Variants in MARCHF1 observed in about 807,000 individuals in gnomAD.
MARCHF1 encodes the protein membrane associated ring-CH-type finger 1.
In MARCHF1, 40 loss-of-function variants were observed where a neutral mutation model predicts 54.2. That is an observed-to-expected ratio of 0.74 (90% CI 0.57 to 0.96). The LOEUF (loss-of-function observed/expected upper bound fraction) is 0.96, where lower values mean the gene tolerates loss of function less well. Ranked by LOEUF, MARCHF1 falls within the 40% of genes least tolerant of loss-of-function variation. The probability of loss-of-function intolerance (pLI) is 0.00; values close to 1 mark genes in which losing one functional copy is unlikely to be tolerated. For missense variants in MARCHF1, 586 were observed against 656.5 expected (o/e 0.89, Z 1.17); for synonymous variants, 236 against 236.3 (o/e 1.00, Z 0.01).
chr4:164,322,916 T>C (rs747561462), intron 1 of MARCHF1, among the ~76,000 whole-genome samples: 2 of 151,996 alleles, frequency 1.3e-5, no homozygotes, highest in Non-Finnish European at 2.9e-5. Context: ...TAAATATGAT[T>C]GCTAAATATG....
At chr4:163,762,130 T>C (rs1746843099) in intron 4 of MARCHF1, among the ~76,000 whole-genome samples, 1 of 152,194 alleles carries the variant, frequency 6.6e-6, no homozygotes, top group Non-Finnish European at 1.5e-5. Flanking sequence ...CCAGGTTTGT[T>C]TGTTTCTTAA....
chr4:164,107,033 T>C (rs1278734498), intron 2 of MARCHF1, among the ~76,000 whole-genome samples: 1 of 152,306 alleles, frequency 6.6e-6, no homozygotes, highest in East Asian at 1.9e-4. Flanking sequence ...AGCATCTTCA[T>C]AAAACCTAAA....
intron 4 of MARCHF1, among the ~76,000 whole-genome samples, chr4:163,844,200 C>T (rs1418508130): frequency 1.3e-5 from 2 of 152,082 alleles, no homozygotes; most frequent in African/African-American, 4.8e-5. Context: ...CATTCAGCTC[C>T]CACTTACAAG....
chr4:163,893,363 T>A (rs191156495), intron 3 of MARCHF1, among the ~76,000 whole-genome samples: 32 of 152,234 alleles, frequency 2.1e-4, no homozygotes, highest in African/African-American at 7.5e-4. Flanking sequence ...GGTCTCGAAC[T>A]CCTGACCTTG....
chr4:163,599,655 G>C (rs1273847405), intron 7 of MARCHF1, among the ~76,000 whole-genome samples: 1 of 152,066 alleles, frequency 6.6e-6, no homozygotes, highest in African/African-American at 2.4e-5. Context: ...TACTTCAGTG[G>C]TTTCCAAACT....
chr4:164,211,357 C>A (rs777368778), intron 1 of MARCHF1, among the ~76,000 whole-genome samples: 1 of 100,084 alleles, frequency 1.0e-5, no homozygotes, highest in African/African-American at 3.0e-5. Flanking sequence ...ATATATATAC[C>A]ACATTGCAAC....
At chr4:164,190,628 T>C (rs1731099922) in intron 1 of MARCHF1, among the ~76,000 whole-genome samples, 1 of 152,158 alleles carries the variant, frequency 6.6e-6, no homozygotes, top group Admixed American at 6.5e-5. Flanking sequence ...GTTCATCTGG[T>C]GTAGGAAGTT....
intron 1 of MARCHF1, chr4:164,330,174 TAA>T (rs10713917): frequency 3.6e-3 from 523 of 143,704 alleles, no homozygotes; most frequent in Non-Finnish European, 5.3e-3. Flanking sequence ...GAAGGAAGGT[TAA>T]AAAAAAAAAA....
intron 5 of MARCHF1, among the ~76,000 whole-genome samples, chr4:163,622,339 C>T (rs572648209): frequency 7.0e-4 from 106 of 151,840 alleles, no homozygotes; most frequent in African/African-American, 2.4e-3. Flanking sequence ...GAACTCTAAA[C>T]AGAAGTCCCT....
chr4:164,244,867 A>G (rs1732891098), intron 1 of MARCHF1, among the ~76,000 whole-genome samples: 1 of 151,938 alleles, frequency 6.6e-6, no homozygotes, highest in East Asian at 1.9e-4. Context: ...GAAGAAATGG[A>G]TAAATTCCTT....
At chr4:164,244,865 G>T (rs919338170) in intron 1 of MARCHF1, among the ~76,000 whole-genome samples, 11 of 151,678 alleles carry the variant, frequency 7.3e-5, no homozygotes, top group African/African-American at 2.4e-4. Context: ...TAGAAGAAAT[G>T]GATAAATTCC....
chr4:163,683,276 T>C (rs13122389), intron 5 of MARCHF1, among the ~76,000 whole-genome samples: 24 of 152,188 alleles, frequency 1.6e-4, no homozygotes, highest in Non-Finnish European at 1.8e-4. Flanking sequence ...CACATGGTGG[T>C]CGACAAGAGA....
chr4:164,322,366 A>T (rs750429918), intron 1 of MARCHF1, among the ~76,000 whole-genome samples: 1 of 151,990 alleles, frequency 6.6e-6, no homozygotes, highest in Non-Finnish European at 1.5e-5. Context: ...TTTTGGATAT[A>T]TACCCAACAG....
chr4:163,627,673 T>C (rs1741918856), intron 5 of MARCHF1, among the ~76,000 whole-genome samples: 1 of 140,338 alleles, frequency 7.1e-6, no homozygotes, highest in Admixed American at 7.1e-5. Context: ...AAAAGAGTAG[T>C]CTATAGGAAA....
At chr4:163,866,950 G>A (rs992690406) in intron 3 of MARCHF1, among the ~76,000 whole-genome samples, 6 of 151,878 alleles carry the variant, frequency 4.0e-5, no homozygotes, top group Admixed American at 1.3e-4. Flanking sequence ...AGTACTGCCA[G>A]CCAGGGAAGC....
intron 2 of MARCHF1, among the ~76,000 whole-genome samples, chr4:164,040,463 T>G (rs942989467): frequency 1.3e-5 from 2 of 148,270 alleles, no homozygotes; most frequent in African/African-American, 4.9e-5. Flanking sequence ...TATTTATATA[T>G]ATTTGTAAAT....
intron 5 of MARCHF1, among the ~76,000 whole-genome samples, chr4:163,621,541 T>A (rs922643779): frequency 1.3e-5 from 2 of 152,164 alleles, no homozygotes; most frequent in African/African-American, 4.8e-5. Flanking sequence ...GAAAGCTTGA[T>A]TTTTTTAAAC....
intron 1 of MARCHF1, among the ~76,000 whole-genome samples, chr4:164,280,727 T>C (rs1734005838): frequency 6.6e-6 from 1 of 152,104 alleles, no homozygotes; most frequent in Admixed American, 6.5e-5. Context: ...ACTTCAAATT[T>C]TGGGAAATTC....
At chr4:163,854,737 T>C (rs1749727333) in intron 3 of MARCHF1, among the ~76,000 whole-genome samples, 1 of 152,164 alleles carries the variant, frequency 6.6e-6, no homozygotes, top group Admixed American at 6.6e-5. Flanking sequence ...ACCAGTACAA[T>C]CTATTCAAAA....
Sources: gnomAD v4.1 joint callset for allele counts (sites outside exome capture counted in the v4.1 genomes callset) on GRCh38, gnomAD v4.1.1 for gene constraint, MANE v1.5 for transcripts, NCBI Gene and HGNC (gene_info 2026-07-23, HGNC 2026-07-21) for gene names.